PLEKHM2: variants seen among roughly 807,000 people sequenced by gnomAD.
PLEKHM2 encodes the protein pleckstrin homology domain-containing family M member 2.
PLEKHM2 carries 77 observed loss-of-function variants against 116.3 expected under a neutral mutation model. The ratio of observed to expected loss-of-function variants is 0.66; its 90% CI spans 0.55 to 0.80. PLEKHM2 has a LOEUF of 0.80. Among genes scored for constraint, PLEKHM2 ranks in the 30% least tolerant of loss-of-function variants. PLEKHM2 has a pLI of 0.00. For missense variants in PLEKHM2, 1,183 were observed against 1,354.9 expected, an observed-to-expected ratio of 0.87 and a Z score of 1.99; for synonymous variants, 562 against 571.0, an observed-to-expected ratio of 0.98 and a Z score of 0.22.
At chr1:15,687,322 C>T (rs541777654) in intron 1 of PLEKHM2, among the ~76,000 whole-genome samples, 99 of 151,726 alleles carry the variant, frequency 6.5e-4, no homozygotes, top group African/African-American at 2.3e-3. Flanking sequence ...TACAGGCGCC[C>T]GCCACTATGC....
intron 4 of PLEKHM2, 80 bp from the exon 5 acceptor site, chr1:15,718,458 C>T (rs1473981658): frequency 6.6e-5 from 55 of 839,046 alleles, no homozygotes; most frequent in Middle Eastern, 2.2e-4. Flanking sequence ...CAGATTTCAA[C>T]ACAGCTGGTA....
chr1:15,725,320 G>C lies in PLEKHM2; in HGVS notation c.716G>C (p.Gly239Ala). ...PSVPSTDWED[G>A]DLTDTVSGPR... Reference sequence around the variant, plus strand: ...TCCTGCTTCCTTGTCCTCCCAGATGGAGACCTCACAGACACGGTCAGTGGT... The same window carrying C: ...TCCTGCTTCCTTGTCCTCCCAGATGCAGACCTCACAGACACGGTCAGTGGT... The change falls in exon 8 of 20, where the codon GGA becomes GCA. Residue 239 changes from glycine to alanine, a missense_variant. By Grantham distance (60) the Gly-to-Ala change is moderately conservative. Coordinates refer to ENST00000375799, the MANE Select transcript of PLEKHM2 (RefSeq NM_015164.4). The C allele has an allele frequency of 6.5e-7, 1 of 1,550,288 alleles. No individual in the cohort carries two copies. Among genetic ancestry groups the C allele is most frequent in the Non-Finnish European group, 8.7e-7 (1 of 1,146,234 alleles).
intron 8 of PLEKHM2, 94 bp downstream of exon 8, chr1:15,725,639 C>T: frequency 1.1e-6 from 1 of 885,112 alleles, no homozygotes. Context: ...GACCGGGACA[C>T]CCCCTGAGGG....
chr1:15,704,542 A>G (rs947704092), intron 1 of PLEKHM2, among the ~76,000 whole-genome samples: 19 of 152,186 alleles, frequency 1.2e-4, no homozygotes, highest in African/African-American at 4.3e-4. Flanking sequence ...ACATGACCCA[A>G]TATTACAAAA....
At chr1:15,716,665 G>C (rs1451075607) in intron 2 of PLEKHM2, 42 bp from the exon 3 acceptor site, 12 of 1,548,264 alleles carry the variant, frequency 7.8e-6, no homozygotes, top group African/African-American at 1.4e-5. Flanking sequence ...TTCCCAGGGT[G>C]GCCCCATGCA....
Position 15,727,853 on chromosome 1 carries a change from G to T in PLEKHM2, c.1760+21G>T. The stretch of plus-strand genomic sequence containing the variant: ...TTCAGGTAACAAGACTCTGCAGCTG[G>T]CATGGGACTCTCCCAGCCCTTGAAG... On this transcript the variant is annotated intron_variant, in intron 9 of 19. Coordinates refer to ENST00000375799, the MANE Select transcript of PLEKHM2 (RefSeq NM_015164.4). The surrounding 1 kb of genome is among the most constrained non-coding windows in gnomAD (Gnocchi z 7.5). The T allele has an allele frequency of 2.0e-6, 3 of 1,514,192 alleles. No individual in the cohort carries two copies. Among genetic ancestry groups the T allele is most frequent in the Non-Finnish European group, 2.7e-6 (3 of 1,119,868 alleles). The allele number at this position is 1,514,192 out of a possible 1,614,324, so 93.8% of individuals were successfully genotyped here.
chr1:15,727,499 C>A lies in PLEKHM2; in HGVS notation c.1427C>A (p.Thr476Lys), dbSNP rs1488960767. ...ACCGTCGAGAGTCCAAGCACTGTTA[C>A]ATCAGGTGGCGGCCACCATGACCCT... ...RFTVESPSTV[T>K]SGGGHHDPAG... Residue 476 changes from threonine to lysine, a missense_variant, in exon 9 of 20, where the codon ACA becomes AAA. Thr to Lys is a moderately conservative substitution (Grantham distance 78). Coordinates refer to ENST00000375799, the MANE Select transcript of PLEKHM2 (RefSeq NM_015164.4). This position sits in a 1 kb window ranked among gnomAD's most constrained non-coding sequence, Gnocchi z 7.5. 1.9e-6 allele frequency: 3 copies of A among 1,587,126 alleles called. No individual in the cohort carries two copies. In the East Asian group the frequency reaches 6.9e-5, roughly 37 times the overall value.
intron 1 of PLEKHM2, among the ~76,000 whole-genome samples, chr1:15,685,541 G>GAAAAAAAAAAAAAAAAAA (rs200301672): frequency 2.2e-4 from 16 of 73,516 alleles, no homozygotes; most frequent in South Asian, 1.3e-3. Context: ...CTCAGAAACT[G>GAAAAAAAAAAAAAAAAAA]AAAAAAAAAA....
intron 1 of PLEKHM2, among the ~76,000 whole-genome samples, chr1:15,703,213 C>T (rs767563517): frequency 3.3e-5 from 5 of 152,252 alleles, no homozygotes; most frequent in East Asian, 1.9e-4. Flanking sequence ...CAGGCCGGGC[C>T]GGGCAAGGTT....
intron 5 of PLEKHM2, 135 bp downstream of exon 5, chr1:15,718,760 T>C (rs1462715113): frequency 1.6e-6 from 1 of 613,686 alleles, no homozygotes; most frequent in Non-Finnish European, 2.9e-6. Flanking sequence ...GCAAAACTTG[T>C]TTTTTTGGGC....
At chr1:15,733,746 C>T in intron 19 of PLEKHM2, 51 bp from the exon 20 acceptor site, 1 of 1,590,842 alleles carries the variant, frequency 6.3e-7, no homozygotes, top group Admixed American at 1.7e-5. Context: ...GCCCTGAAGA[C>T]TCCTGTGGCC....
At position 15,684,613 on chromosome 1, in the gene PLEKHM2, A is replaced by G; in HGVS notation, c.55A>G (p.Lys19Glu). ...RILENISLSV[K>E]KLQSYFAACE... The stretch of plus-strand genomic sequence containing the variant: ...CCTGGAGAACATCTCGCTGTCGGTG[A>G]AGAAGGTGAGCGCGGCCTCCCTCCC... Residue 19 changes from lysine (K) to glutamate (E), a missense_variant, in exon 1 of 20, where the codon AAG becomes GAG. Lys to Glu is a moderately conservative substitution (Grantham distance 56, BLOSUM62 1). This residue lies in a region of PLEKHM2 where 217 missense variants were observed against 277.6 expected (regional missense o/e 0.78). Coordinates refer to ENST00000375799, the MANE Select transcript of PLEKHM2 (RefSeq NM_015164.4). 7.7e-7 allele frequency: 1 copy of G among 1,302,966 alleles called. No homozygotes were observed. Among genetic ancestry groups the G allele is most frequent in the Non-Finnish European group, 9.9e-7 (1 of 1,013,540 alleles). 80.7% of individuals were successfully genotyped at this position (1,302,966 alleles called of 1,614,324 possible). A position where few individuals can be genotyped will look rare whatever the true frequency, so the allele number is the denominator to read the frequency against.
intron 17 of PLEKHM2, 24 bp downstream of exon 17, chr1:15,732,072 C>A: frequency 1.2e-6 from 2 of 1,602,550 alleles, no homozygotes; most frequent in Non-Finnish European, 1.7e-6. Context: ...GCCCCTACCG[C>A]TCACCTGGCT....
chr1:15,727,146 A>G lies in PLEKHM2; in HGVS notation c.1074A>G (p.Pro358=). ...ACGGTGACAGCCGCAACGGCAGCCCAAGCCTTGGGCGGGACTCGCCAGACA... is the reference window on the plus strand; with the variant it reads ...ACGGTGACAGCCGCAACGGCAGCCCGAGCCTTGGGCGGGACTCGCCAGACA... The part of the protein sequence containing the change: ...QGDGDSRNGS[P]SLGRDSPDTM... The change falls in exon 9 of 20, where the codon CCA becomes CCG. Residue 358 remains proline, a synonymous_variant. Transcript: ENST00000375799. The surrounding 1 kb of genome is among the most constrained non-coding windows in gnomAD (Gnocchi z 7.5). 6.3e-7 allele frequency: 1 copy of G among 1,597,016 alleles called. No individual in the cohort carries two copies. Among genetic ancestry groups the G allele is most frequent in the Non-Finnish European group, 8.5e-7 (1 of 1,171,318 alleles).
chr1:15,713,635 TTTTTTG>T (rs986590441), intron 1 of PLEKHM2, among the ~76,000 whole-genome samples: 15 of 149,644 alleles, frequency 1.0e-4, no homozygotes, highest in African/African-American at 3.6e-4. Context: ...TGTTTGTTTG[TTTTTTG>T]TTTTTTGTTT....
At chr1:15,710,485 G>C (rs1641310479) in intron 1 of PLEKHM2, among the ~76,000 whole-genome samples, 1 of 151,574 alleles carries the variant, frequency 6.6e-6, no homozygotes, top group African/African-American at 2.4e-5. Context: ...GGTGGGGCCC[G>C]GCTAATTTTT....
At chr1:15,714,651 G>C (rs144815628) in intron 1 of PLEKHM2, among the ~76,000 whole-genome samples, 1 of 152,196 alleles carries the variant, frequency 6.6e-6, no homozygotes, top group Non-Finnish European at 1.5e-5. Context: ...TCTCTCTCCA[G>C]GAGCACATGC....
Position 15,727,582 on chromosome 1 carries a change from G to T in PLEKHM2, c.1510G>T (p.Glu504Ter), listed in dbSNP as rs1283353992. Reference sequence around the variant, plus strand: ...TAGCCCTGAGGCTGCTGGCCAAGAAGAAGAGGGAGGAGGAGGAGAGGGACA... The same window carrying T: ...TAGCCCTGAGGCTGCTGGCCAAGAATAAGAGGGAGGAGGAGGAGAGGGACA... ...PSSPEAAGQE[E>*]EGGGGEGQTP... Residue 504 changes from glutamate to a stop codon, truncating the protein, a stop_gained, in exon 9 of 20, where the codon GAA becomes TAA. Coordinates refer to ENST00000375799, the MANE Select transcript of PLEKHM2 (RefSeq NM_015164.4). LOFTEE classifies it high-confidence loss of function. This position sits in a 1 kb window ranked among gnomAD's most constrained non-coding sequence, Gnocchi z 7.5. 6.3e-7 allele frequency: 1 copy of T among 1,578,182 alleles called. No individual in the cohort carries two copies. Among genetic ancestry groups the T allele is most frequent in the Admixed American group, 1.9e-5 (1 of 54,040 alleles).
chr1:15,730,760 C>G (rs2068131073), intron 15 of PLEKHM2, 38 bp downstream of exon 15: 5 of 1,529,032 alleles, frequency 3.3e-6, no homozygotes, highest in Non-Finnish European at 4.4e-6. Flanking sequence ...GGGCTTGGGC[C>G]CTGGGGTGGC....
Sources: allele counts gnomAD v4.1 joint callset (sites outside exome capture counted in the v4.1 genomes callset), GRCh38; gene constraint gnomAD v4.1.1; regional missense constraint gnomAD v4.1.1; non-coding constraint Gnocchi (gnomAD v3.1); transcripts MANE v1.5; gene names NCBI Gene and HGNC (gene_info 2026-07-23, HGNC 2026-07-21).